RARB: variants seen among roughly 807,000 people sequenced by gnomAD.
RARB encodes the protein retinoic acid receptor beta, also known as HBV-activated protein.
In RARB, 17 loss-of-function variants were observed where a neutral mutation model predicts 51.9. That is an observed-to-expected ratio of 0.33 (90% confidence interval 0.22 to 0.49). The LOEUF (loss-of-function observed/expected upper bound fraction) is 0.49, where lower values mean the gene tolerates loss of function less well. RARB is among the 20% of genes least tolerant of loss of function. The pLI is 0.99. For missense variants in RARB, 369 were observed against 550.8 expected (o/e 0.67, Z 3.30); for synonymous variants, 215 against 195.4 (o/e 1.10, Z -0.84).
At chr3:25,221,687 C>G (rs892914894) in intron 5 of RARB, among the ~76,000 whole-genome samples, 1 of 152,154 alleles carries the variant, frequency 6.6e-6, no homozygotes, top group East Asian at 1.9e-4. Context: ...TTCCCTCTCC[C>G]ATCTCTTTTT....
intron 2 of RARB, among the ~76,000 whole-genome samples, chr3:24,933,417 C>T (rs886970158): frequency 5.3e-5 from 8 of 151,990 alleles, no homozygotes; most frequent in Admixed American, 2.0e-4. Flanking sequence ...TTTTTGTACC[C>T]TGACAAGAAA....
intron 5 of RARB, among the ~76,000 whole-genome samples, chr3:25,345,652 G>A (rs1317977055): frequency 2.3e-5 from 3 of 132,390 alleles, no homozygotes; most frequent in Non-Finnish European, 3.1e-5. Flanking sequence ...GTGACAGAGT[G>A]AGACTCCGTC....
At chr3:25,421,334 G>T (rs900320119) in intron 5 of RARB, among the ~76,000 whole-genome samples, 1 of 149,592 alleles carries the variant, frequency 6.7e-6, no homozygotes, top group African/African-American at 2.5e-5. Flanking sequence ...TATTTGAGTG[G>T]TATTGAGCAA....
chr3:25,305,437 G>C (rs372207762), intron 5 of RARB, among the ~76,000 whole-genome samples: 5 of 152,084 alleles, frequency 3.3e-5, no homozygotes, highest in African/African-American at 4.8e-5. Flanking sequence ...CCACCCAAAA[G>C]GCAAAAACCA....
intron 5 of RARB, among the ~76,000 whole-genome samples, chr3:25,355,583 A>T (rs758125071): frequency 6.7e-6 from 1 of 148,732 alleles, no homozygotes; most frequent in African/African-American, 2.6e-5. Flanking sequence ...TTAACCTTTT[A>T]AAAAAAAATT....
intron 4 of RARB, among the ~76,000 whole-genome samples, chr3:25,165,132 A>C (rs1032088782): frequency 4.6e-5 from 7 of 152,132 alleles, no homozygotes; most frequent in African/African-American, 1.7e-4. Context: ...AACCAGTTTC[A>C]ATGGTTAAAG....
chr3:25,573,067 A>G (rs1396669859), intron 4 of RARB, among the ~76,000 whole-genome samples: 21 of 151,944 alleles, frequency 1.4e-4, no homozygotes. Context: ...AAACCCCCCC[A>G]GCTTCCTTAT....
chr3:25,101,227 G>A (rs980606802), intron 3 of RARB, among the ~76,000 whole-genome samples: 2 of 152,104 alleles, frequency 1.3e-5, no homozygotes, highest in African/African-American at 4.8e-5. Flanking sequence ...TCTCAGAAAA[G>A]ATGCTTGATG....
At chr3:24,935,225 T>C (rs2125396211) in intron 2 of RARB, among the ~76,000 whole-genome samples, 1 of 152,258 alleles carries the variant, frequency 6.6e-6, no homozygotes, top group South Asian at 2.1e-4. Flanking sequence ...TACGTTTAGG[T>C]ATAGAACAAA....
At chr3:24,846,326 T>C (rs1253886195) in intron 1 of RARB, among the ~76,000 whole-genome samples, 2 of 152,192 alleles carry the variant, frequency 1.3e-5, no homozygotes, top group African/African-American at 4.8e-5. Context: ...TTTAAGACAA[T>C]ATCTGGCACT....
intron 1 of RARB, among the ~76,000 whole-genome samples, chr3:24,854,847 T>C (rs1702611764): frequency 6.6e-6 from 1 of 152,158 alleles, no homozygotes; most frequent in Admixed American, 6.5e-5. Context: ...TGAGAACTAG[T>C]GCCTTATGGC....
chr3:25,575,082 A>C (rs1346800754), intron 4 of RARB, among the ~76,000 whole-genome samples: 1 of 152,158 alleles, frequency 6.6e-6, no homozygotes, highest in Non-Finnish European at 1.5e-5. Flanking sequence ...AGTTTCATGG[A>C]AGAGAATTTT....
rs57571988 is a variant in RARB at position 25,089,503 on chromosome 3, T to G, written c.-328+29327T>G. Reference sequence around the variant, plus strand: ...AATCATCCCAAAAAAAAGTCCCAAATTATGAAAAGAGTATGTTGAAATACG... The same window carrying G: ...AATCATCCCAAAAAAAAGTCCCAAAGTATGAAAAGAGTATGTTGAAATACG... On this transcript the variant is annotated intron_variant, in intron 3 of 11. Coordinates refer to the RARB transcript ENST00000383772. Among the ~76,000 whole-genome samples the G allele has an allele frequency of 1.3e-4, 20 of 152,190 alleles. 1 individual carries two copies. The East Asian group carries it at 3.9e-3, about 29-fold the overall frequency.
chr3:25,242,085 T>C (rs1385553325), intron 5 of RARB, among the ~76,000 whole-genome samples: 7 of 152,294 alleles, frequency 4.6e-5, no homozygotes, highest in Non-Finnish European at 8.8e-5. Context: ...TTTTCATATG[T>C]TTTTTGGCCA....
chr3:25,166,484 A>G (rs1260770935), intron 4 of RARB, among the ~76,000 whole-genome samples: 1 of 152,216 alleles, frequency 6.6e-6, no homozygotes. Context: ...AAATGGCAAT[A>G]TATATGTAGT....
At chr3:24,882,017 C>T (rs1205432027) in intron 2 of RARB, among the ~76,000 whole-genome samples, 1 of 151,822 alleles carries the variant, frequency 6.6e-6, no homozygotes, top group Non-Finnish European at 1.5e-5. Flanking sequence ...ATGAATATTG[C>T]CATAACAATG....
intron 5 of RARB, among the ~76,000 whole-genome samples, chr3:25,212,939 A>C (rs572999126): frequency 6.6e-6 from 1 of 152,306 alleles, no homozygotes; most frequent in African/African-American, 2.4e-5. Flanking sequence ...GACGGGAAGT[A>C]AGGAAGGTCC....
At chr3:25,043,863 G>A (rs563154912) in intron 2 of RARB, among the ~76,000 whole-genome samples, 8 of 152,300 alleles carry the variant, frequency 5.3e-5, no homozygotes, top group African/African-American at 1.7e-4. Context: ...ATATTGGTGA[G>A]AATTAATAGC....
At chr3:24,970,945 A>G (rs1696384497) in intron 2 of RARB, among the ~76,000 whole-genome samples, 2 of 152,062 alleles carry the variant, frequency 1.3e-5, no homozygotes, top group South Asian at 2.1e-4. Context: ...ATCAGTTACA[A>G]TTGTTCTTCT....
Sources: allele counts gnomAD v4.1 joint callset (sites outside exome capture counted in the v4.1 genomes callset), GRCh38; gene constraint gnomAD v4.1.1; transcripts MANE v1.5; gene names NCBI Gene and HGNC (gene_info 2026-07-23, HGNC 2026-07-21).